The following NUDC variants were observed in gnomAD, a reference collection of about 807,000 sequenced individuals.
NUDC encodes the protein nuclear migration protein nudC.
NUDC carries 14 observed loss-of-function variants against 45.0 expected under a neutral mutation model. The ratio of observed to expected loss-of-function variants is 0.31; its 90% confidence interval spans 0.21 to 0.49. The LOEUF (loss-of-function observed/expected upper bound fraction) is 0.49. Among genes scored for constraint, NUDC ranks in the 20% least tolerant of loss-of-function variants. NUDC has a pLI of 0.99. For missense variants in NUDC, 323 were observed against 426.2 expected, an observed-to-expected ratio of 0.76 and a Z score of 2.13; for synonymous variants, 153 against 156.7, an observed-to-expected ratio of 0.98 and a Z score of 0.17.
intron 2 of NUDC, among the ~76,000 whole-genome samples, chr1:26,933,471 T>A (rs564352136): frequency 5.3e-5 from 8 of 152,200 alleles, no homozygotes; most frequent in Middle Eastern, 3.4e-3. Flanking sequence ...TGGAGTGCAA[T>A]GATGCAATCT....
intron 2 of NUDC, among the ~76,000 whole-genome samples, chr1:26,936,346 C>G (rs1570738784): frequency 2.0e-5 from 3 of 150,282 alleles, no homozygotes; most frequent in Admixed American, 6.7e-5. Flanking sequence ...TGCGCCACCA[C>G]GCCCAGCTAA....
In NUDC at chr1:26,921,817, A is replaced by T; in HGVS notation, c.-32A>T. On this transcript the variant is annotated 5_prime_UTR_variant, in exon 1 of 9. Transcript: ENST00000321265. ...CGTAGAGAGCGCGGGACTAGAGTGC[A>T]GAGCTCCGGGACGTGGATCGGAGCC... 1 of 1,547,308 alleles carries T rather than the reference A, an allele frequency of 6.5e-7. No individual in the cohort carries two copies. The highest frequency in any genetic ancestry group is 8.7e-7 in the Non-Finnish European group (1 of 1,144,784).
intron 2 of NUDC, among the ~76,000 whole-genome samples, chr1:26,926,401 T>C (rs1458902794): frequency 1.3e-5 from 2 of 152,172 alleles, no homozygotes; most frequent in Non-Finnish European, 2.9e-5. Context: ...CCAGCAATGC[T>C]CTGGTTCTTT....
chr1:26,933,124 C>G (rs978801392), intron 2 of NUDC, among the ~76,000 whole-genome samples: 2 of 151,782 alleles, frequency 1.3e-5, no homozygotes, highest in Non-Finnish European at 2.9e-5. Context: ...TTATTAGAGT[C>G]GGGGTTTTAC....
chr1:26,922,402 C>T (rs889966645), intron 1 of NUDC: 6 of 199,426 alleles, frequency 3.0e-5, no homozygotes, highest in Non-Finnish European at 6.3e-5. Context: ...CCACCACCTA[C>T]CAACTTGGAA....
At position 26,941,673 on chromosome 1, in the gene NUDC, C is replaced by T; in HGVS notation, c.363+13C>T. 1 of 1,612,380 alleles carries T rather than the reference C, an allele frequency of 6.2e-7. No individual in the cohort carries two copies. Among genetic ancestry groups the T allele is most frequent in the Non-Finnish European group, 8.5e-7 (1 of 1,179,184 alleles). ...AGAGATTGACCAGGTGAAGGGTGGGCTTCCCTTCTCCACCCCTCAGATCCC... is the reference window on the plus strand; with the variant it reads ...AGAGATTGACCAGGTGAAGGGTGGGTTTCCCTTCTCCACCCCTCAGATCCC... On this transcript the variant is annotated intron_variant, in intron 3 of 8. Coordinates refer to ENST00000321265, the MANE Select transcript of NUDC (RefSeq NM_006600.4).
At chr1:26,911,983 G>A (rs1172966891) in intron 3 of NUDC, 4 of 1,614,258 alleles carry the variant, frequency 2.5e-6, no homozygotes, top group Non-Finnish European at 3.4e-6. Flanking sequence ...GGGTCAGGCG[G>A]CCTTGGGCTG....
chr1:26,904,035 TTAAATAAATAAA>T (rs1351345779), intron 2 of NUDC, among the ~76,000 whole-genome samples: 1 of 84,724 alleles, frequency 1.2e-5, no homozygotes, highest in Non-Finnish European at 2.9e-5. Flanking sequence ...AATAAATAAA[TTAAATAAATAAA>T]TAATAAATAA....
chr1:26,931,003 G>A (rs376469387), intron 2 of NUDC, among the ~76,000 whole-genome samples: 9 of 151,984 alleles, frequency 5.9e-5, no homozygotes, highest in East Asian at 1.9e-4. Context: ...GCCACAGAGC[G>A]AGACTCTGTC....
intron 2 of NUDC, chr1:26,929,660 A>G: frequency 2.6e-6 from 1 of 387,682 alleles, no homozygotes; most frequent in Non-Finnish European, 5.3e-6. Context: ...CCACTTACAT[A>G]TAATTGAAGG....
At chr1:26,900,447 G>C in intron 1 of NUDC, 1 of 1,607,068 alleles carries the variant, frequency 6.2e-7, no homozygotes, top group East Asian at 2.2e-5. Context: ...CGCCATCTTG[G>C]ATTGTCACAT....
intron 3 of NUDC, among the ~76,000 whole-genome samples, chr1:26,916,156 G>A (rs1394237332): frequency 5.3e-5 from 8 of 152,110 alleles, no homozygotes; most frequent in African/African-American, 1.9e-4. Context: ...GGAAGTTGAG[G>A]TGGGAGGATC....
intron 3 of NUDC, among the ~76,000 whole-genome samples, chr1:26,912,576 G>T (rs1231780843): frequency 6.6e-6 from 1 of 152,102 alleles, no homozygotes; most frequent in African/African-American, 2.4e-5. Flanking sequence ...CGTGCCACAA[G>T]GGACTCCTGG....
chr1:26,934,508 C>T (rs61023793), intron 2 of NUDC, among the ~76,000 whole-genome samples: 6,304 of 152,188 alleles, frequency 0.041, 409 homozygotes, highest in African/African-American at 0.14. Context: ...TTTCAAAACA[C>T]AATCATGCCC....
At chr1:26,917,433 A>C (rs1258314364), upstream of NUDC, among the ~76,000 whole-genome samples, 1 of 150,248 alleles carries the variant, frequency 6.7e-6, no homozygotes, top group Non-Finnish European at 1.5e-5. Context: ...ATGGTGGTGC[A>C]CGCCTGTAGT....
intron 2 of NUDC, among the ~76,000 whole-genome samples, chr1:26,902,794 A>G (rs2081986169): frequency 6.6e-6 from 1 of 152,132 alleles, no homozygotes; most frequent in East Asian, 1.9e-4. Flanking sequence ...AATGCCTGTA[A>G]TCCCAGCACT....
chr1:26,931,799 G>A (rs1017670317), intron 2 of NUDC, among the ~76,000 whole-genome samples: 9 of 150,448 alleles, frequency 6.0e-5, no homozygotes, highest in Non-Finnish European at 1.0e-4. Flanking sequence ...GATTTCTCCT[G>A]CCTCAGCCTC....
At position 26,921,793 on chromosome 1, in the gene NUDC, G is replaced by T; in HGVS notation, c.-56G>T. ...TGGGCCCGGCGCGACCCGCAGGAGC[G>T]TAGAGAGCGCGGGACTAGAGTGCAG... is the stretch of plus-strand genomic sequence containing the variant. On this transcript the variant is annotated 5_prime_UTR_variant, in exon 1 of 9. Transcript: ENST00000321265. 6.6e-7 allele frequency: 1 copy of T among 1,523,204 alleles called. No individual in the cohort carries two copies. Among genetic ancestry groups the T allele is most frequent in the Non-Finnish European group, 8.9e-7 (1 of 1,123,674 alleles). 94.4% of individuals were successfully genotyped at this position (1,523,204 alleles called of 1,614,324 possible).
Position 26,921,807 on chromosome 1 carries a change from A to G in NUDC, c.-42A>G, listed in dbSNP as rs768196390. On this transcript the variant is annotated 5_prime_UTR_variant, in exon 1 of 9. Transcript: ENST00000321265. ...CCCGCAGGAGCGTAGAGAGCGCGGG[A>G]CTAGAGTGCAGAGCTCCGGGACGTG... 34 of 1,540,590 alleles carry G rather than the reference A, an allele frequency of 2.2e-5. No individual in the cohort carries two copies. Among genetic ancestry groups the G allele is most frequent in the Non-Finnish European group, 2.9e-5 (33 of 1,139,028 alleles).
Sources: allele counts gnomAD v4.1 joint callset (sites outside exome capture counted in the v4.1 genomes callset), GRCh38; gene constraint gnomAD v4.1.1; transcripts MANE v1.5; gene names NCBI Gene and HGNC (gene_info 2026-07-23, HGNC 2026-07-21).